Variants in ZNF737 observed in about 807,000 individuals in gnomAD.
ZNF737 encodes zinc finger protein 737.
In ZNF737, 13 loss-of-function variants were observed where a neutral mutation model predicts 11.7. That is an observed-to-expected ratio of 1.11 (90% CI 0.73 to 1.77). ZNF737 has a LOEUF of 1.77. ZNF737 is among the 40% of genes most tolerant of loss of function. The pLI, the probability that ZNF737 is intolerant of heterozygous loss-of-function variation, is 0.00. For missense variants in ZNF737, 636 were observed against 638.0 expected (o/e 1.00, Z 0.03); for synonymous variants, 217 against 216.2 (o/e 1.00, Z -0.03).
intron 1 of ZNF737, among the ~76,000 whole-genome samples, chr19:20,562,229 A>G (rs1969123900): frequency 6.6e-6 from 1 of 152,100 alleles, no homozygotes; most frequent in Admixed American, 6.5e-5. Flanking sequence ...GCTGGAGTGC[A>G]GTGGAGCAAT....
Position 20,541,021 on chromosome 19 carries a change from A to G in ZNF737, c.*3571T>C. ...TTCCTGTTTTAAGAGGGCTTTTATT[A>G]TTGTACTCAAGAGAGTTGTTTCTGG... On this transcript the variant is annotated 3_prime_UTR_variant, in exon 4 of 4. Transcript: ENST00000427401. The G allele has an allele frequency of 4.1e-6, 4 of 985,032 alleles. No homozygotes were observed. The highest frequency in any genetic ancestry group is 4.8e-6 in the Non-Finnish European group (4 of 829,830). The allele number at this position is 985,032 out of a possible 1,614,324, so 61.0% of individuals were successfully genotyped here.
downstream of ZNF737, chr19:20,536,186 C>A: frequency 1.4e-6 from 1 of 728,512 alleles, no homozygotes; most frequent in Non-Finnish European, 1.7e-6. Context: ...AGTAACCCTT[C>A]TAGTAAAATA....
chr19:20,561,380 C>T lies in ZNF737; in HGVS notation c.3+4258G>A, dbSNP rs573707036. Among the ~76,000 whole-genome samples, 20 of 152,196 alleles carry T rather than the reference C, an allele frequency of 1.3e-4. No homozygotes were observed. The East Asian group carries it at 3.9e-3, about 29-fold the overall frequency. On this transcript the variant is annotated intron_variant, in intron 1 of 3. Coordinates refer to ENST00000427401, the MANE Select transcript of ZNF737 (RefSeq NM_001159293.2). ...TGCCTACTCCTGGGAGGAGGGTGGA[C>T]ATGTCAATGTCTAGTGTGTGTGTTT...
chr19:20,541,256 T>A lies in ZNF737; in HGVS notation c.*3336A>T, dbSNP rs1968193541. The A allele has an allele frequency of 1.0e-6, 1 of 984,522 alleles. No individual in the cohort carries two copies. The highest frequency in any genetic ancestry group is 1.7e-5 in the African/African-American group (1 of 57,228). 61.0% of individuals were successfully genotyped at this position (984,522 alleles called of 1,614,324 possible). ...TATTCTGAAAATATGTACAAACCTA[T>A]ACTCACACAAAAACACTCAATTCAT... On this transcript the variant is annotated 3_prime_UTR_variant, in exon 4 of 4. Coordinates refer to ENST00000427401, the MANE Select transcript of ZNF737 (RefSeq NM_001159293.2).
rs539415940 is a variant in ZNF737, at chr19:20,540,327, C to A, written c.*4265G>T. ...AACACAAAGTCTACGGATGAGTAAC[C>A]TAATTTCATAAGTGATTTCCCACCA... On this transcript the variant is annotated 3_prime_UTR_variant, in exon 4 of 4. Transcript: ENST00000427401. Among the ~76,000 whole-genome samples the A allele has an allele frequency of 6.6e-6, 1 of 152,122 alleles. No homozygotes were observed. Among genetic ancestry groups the A allele is most frequent in the African/African-American group, 2.4e-5 (1 of 41,422 alleles).
chr19:20,537,090 G>A (rs548098116), downstream of ZNF737, among the ~76,000 whole-genome samples: 252 of 152,072 alleles, frequency 1.7e-3, no homozygotes, highest in African/African-American at 2.5e-3. Context: ...GTGACATAGC[G>A]AGACTCTGTC....
chr19:20,533,172 G>C (rs1454383071), downstream of ZNF737, among the ~76,000 whole-genome samples: 1 of 150,106 alleles, frequency 6.7e-6, no homozygotes, highest in Non-Finnish European at 1.5e-5. Context: ...TCATCTTCCA[G>C]AAGCGCACAA....
rs1460403667 is a variant in ZNF737 at position 20,539,245 on chromosome 19, G to C, written c.*5347C>G. Reference sequence around the variant, plus strand: ...GTGGAGGTTGCAGTGAGCTGAGCACGTACCATTGCAGTGCAGCGTGAGTGA... The same window carrying C: ...GTGGAGGTTGCAGTGAGCTGAGCACCTACCATTGCAGTGCAGCGTGAGTGA... On this transcript the variant is annotated 3_prime_UTR_variant, in exon 4 of 4. Transcript: ENST00000427401. 2 of 891,830 alleles carry C rather than the reference G, an allele frequency of 2.2e-6. No homozygotes were observed. The highest frequency in any genetic ancestry group is 2.7e-6 in the Non-Finnish European group (2 of 745,268). The allele number at this position is 891,830 out of a possible 1,614,324, so 55.2% of individuals were successfully genotyped here.
intron 3 of ZNF737, among the ~76,000 whole-genome samples, chr19:20,547,034 AG>A (rs1314208066): frequency 1.3e-5 from 2 of 152,186 alleles, no homozygotes; most frequent in African/African-American, 4.8e-5. Flanking sequence ...ATTCTTGCTC[AG>A]GGGGCAAAAA....
chr19:20,541,977 A>G lies in ZNF737; in HGVS notation c.*2615T>C. 1.0e-6 allele frequency: 1 copy of G among 967,020 alleles called. No homozygotes were observed. Among genetic ancestry groups the G allele is most frequent in the African/African-American group, 1.8e-5 (1 of 56,954 alleles). 59.9% of individuals were successfully genotyped at this position (967,020 alleles called of 1,614,324 possible). A position where few individuals can be genotyped will look rare whatever the true frequency, so the allele number is the denominator to read the frequency against. ...TATTATATACCCACGAATACAAATA[A>G]AAAATTTAAATAATAAAGAGTCAAA... On this transcript the variant is annotated 3_prime_UTR_variant, in exon 4 of 4. Transcript: ENST00000427401.
Position 20,565,765 on chromosome 19 carries a change from G to T in ZNF737, c.-125C>A. ...CACAGCAGTGAAGACAAGACCTGGAGCTCCGGCTGCAGAGACAAAGGCCCC... is the reference window on the plus strand; with the variant it reads ...CACAGCAGTGAAGACAAGACCTGGATCTCCGGCTGCAGAGACAAAGGCCCC... On this transcript the variant is annotated 5_prime_UTR_variant, in exon 1 of 4. Transcript: ENST00000427401. 6.7e-7 allele frequency: 1 copy of T among 1,496,154 alleles called. No individual in the cohort carries two copies. Among genetic ancestry groups the T allele is most frequent in the South Asian group, 1.1e-5 (1 of 88,412 alleles). The allele number at this position is 1,496,154 out of a possible 1,614,324, so 92.7% of individuals were successfully genotyped here. A position where few individuals can be genotyped will look rare whatever the true frequency, so the allele number is the denominator to read the frequency against.
rs1394572120 is a variant in ZNF737 at position 20,543,309 on chromosome 19, G to C, written c.*1283C>G. On this transcript the variant is annotated 3_prime_UTR_variant, in exon 4 of 4. Coordinates refer to ENST00000427401, the MANE Select transcript of ZNF737 (RefSeq NM_001159293.2). ...GCAACTGCTTTAGGATTTTCCTCCA[G>C]TACAAAATGTGTGCAATAAGATCTG... 4.1e-6 allele frequency: 4 copies of C among 985,592 alleles called. No homozygotes were observed. The East Asian group carries it at 4.5e-4, about 112-fold the overall frequency. 61.1% of individuals were successfully genotyped at this position (985,592 alleles called of 1,614,324 possible).
At position 20,552,639 on chromosome 19, in the gene ZNF737, G is replaced by A. The variant is rs570431958; in HGVS notation, c.131-69C>T. On this transcript the variant is annotated intron_variant, in intron 2 of 3. Transcript: ENST00000427401. ...CCAATTACAAGCTAGTAATGTGCTC[G>A]CAAAGACAATGTAATAAAATATTAT... The A allele has an allele frequency of 1.4e-5, 14 of 1,036,234 alleles. No individual in the cohort carries two copies. The East Asian group carries it at 1.7e-4, about 12-fold the overall frequency. The allele number at this position is 1,036,234 out of a possible 1,614,324, so 64.2% of individuals were successfully genotyped here. A position where few individuals can be genotyped will look rare whatever the true frequency, so the allele number is the denominator to read the frequency against.
chr19:20,540,787 T>C lies in ZNF737; in HGVS notation c.*3805A>G, dbSNP rs1189430057. The C allele has an allele frequency of 1.1e-6, 1 of 902,742 alleles. No homozygotes were observed. The highest frequency in any genetic ancestry group is 1.3e-6 in the Non-Finnish European group (1 of 754,892). 55.9% of individuals were successfully genotyped at this position (902,742 alleles called of 1,614,324 possible). ...AAAAAAAAAAGAGTCTTTCTGCTGC[T>C]TTTGTTATCTACATAAACAAAGATA... On this transcript the variant is annotated 3_prime_UTR_variant, in exon 4 of 4. Coordinates refer to ENST00000427401, the MANE Select transcript of ZNF737 (RefSeq NM_001159293.2).
At position 20,538,570 on chromosome 19, in the gene ZNF737, T is replaced by C. The variant is rs561591979; in HGVS notation, c.*6022A>G. ...AACTGCTTTCTGCAAAAAGTAAAAA[T>C]GGCCTTGCTAAGAAAAATTAAATTT... On this transcript the variant is annotated 3_prime_UTR_variant, in exon 4 of 4. Transcript: ENST00000427401. The C allele has an allele frequency of 7.8e-6, 7 of 894,170 alleles. No individual in the cohort carries two copies. The highest frequency in any genetic ancestry group is 9.4e-6 in the Non-Finnish European group (7 of 747,014). 55.4% of individuals were successfully genotyped at this position (894,170 alleles called of 1,614,324 possible).
chr19:20,539,554 A>C lies in ZNF737; in HGVS notation c.*5038T>G. The C allele has an allele frequency of 2.0e-6, 2 of 984,048 alleles. No homozygotes were observed. The highest frequency in any genetic ancestry group is 2.4e-6 in the Non-Finnish European group (2 of 828,678). 61.0% of individuals were successfully genotyped at this position (984,048 alleles called of 1,614,324 possible). A position where few individuals can be genotyped will look rare whatever the true frequency, so the allele number is the denominator to read the frequency against. On this transcript the variant is annotated 3_prime_UTR_variant, in exon 4 of 4. Coordinates refer to ENST00000427401, the MANE Select transcript of ZNF737 (RefSeq NM_001159293.2). ...TGTTTTCTCTAATGTTACCTTGGTC[A>C]TGTGAATCTAAAAGAAACTATCTAC...
chr19:20,547,842 A>G (rs1968512565), intron 3 of ZNF737, among the ~76,000 whole-genome samples: 1 of 152,210 alleles, frequency 6.6e-6, no homozygotes, highest in South Asian at 2.1e-4. Flanking sequence ...CCTCATTTAT[A>G]AATCTCTATC....
downstream of ZNF737, among the ~76,000 whole-genome samples, chr19:20,532,674 C>A (rs1244800475): frequency 6.7e-6 from 1 of 149,692 alleles, no homozygotes; most frequent in Non-Finnish European, 1.5e-5. Flanking sequence ...ATTCTCATCC[C>A]ATTAAACCAG....
At chr19:20,555,549 C>T (rs1968858802) in intron 1 of ZNF737, among the ~76,000 whole-genome samples, 1 of 152,210 alleles carries the variant, frequency 6.6e-6, no homozygotes, top group Non-Finnish European at 1.5e-5. Flanking sequence ...CTCAACATTA[C>T]ATGTTCTCCA....
Sources: allele counts gnomAD v4.1 joint callset (sites outside exome capture counted in the v4.1 genomes callset), GRCh38; gene constraint gnomAD v4.1.1; transcripts MANE v1.5; gene names NCBI Gene and HGNC (gene_info 2026-07-23, HGNC 2026-07-21).